The following ACSBG2 variants were observed in gnomAD, a reference collection of about 807,000 sequenced individuals.
The protein encoded by ACSBG2 is long-chain-fatty-acid--CoA ligase ACSBG2.
ACSBG2 carries 62 observed loss-of-function variants against 74.7 expected under a neutral mutation model. The observed-to-expected ratio is 0.83, with a 90% CI of 0.68 to 1.03. The LOEUF (loss-of-function observed/expected upper bound fraction) is 1.03. Among genes scored for constraint, ACSBG2 ranks in the 50% least tolerant of loss-of-function variants. The probability of loss-of-function intolerance (pLI) is 0.00; values close to 1 mark genes in which losing one functional copy is unlikely to be tolerated. For synonymous variants in ACSBG2, 309 were observed against 294.1 expected (o/e 1.05, Z -0.52); for missense variants, 730 against 817.6 (o/e 0.89, Z 1.31).
At chr19:6,158,018 A>T (rs1600061038) in intron 5 of ACSBG2, among the ~76,000 whole-genome samples, 1 of 143,300 alleles carries the variant, frequency 7.0e-6, no homozygotes. Context: ...TTACATTTTT[A>T]GTTTTATGTT....
chr19:6,160,157 G>A (rs1265655746), intron 5 of ACSBG2, among the ~76,000 whole-genome samples: 3 of 152,080 alleles, frequency 2.0e-5, no homozygotes, highest in African/African-American at 7.2e-5. Flanking sequence ...TTGGGAGGCT[G>A]AGGTGGGCGG....
chr19:6,148,649 A>G (rs1485609199), intron 3 of ACSBG2, among the ~76,000 whole-genome samples: 1 of 18,206 alleles, frequency 5.5e-5, no homozygotes, highest in African/African-American at 1.7e-4. Flanking sequence ...GTCATAAAGA[A>G]AAAAAAAAAA....
At chr19:6,161,178 T>A (rs1199858237) in intron 5 of ACSBG2, 37 bp from the exon 6 acceptor site, 2 of 1,570,392 alleles carry the variant, frequency 1.3e-6, no homozygotes, top group Admixed American at 3.3e-5. Context: ...TTCCCAGGGC[T>A]GGGTTGCCAT....
rs187162841 is a variant in ACSBG2 at position 6,167,865 on chromosome 19, T to G, written c.738+1850T>G. Among the ~76,000 whole-genome samples the G allele has an allele frequency of 1.8e-3, 275 of 152,350 alleles. 2 individuals are homozygous for G. Among genetic ancestry groups the G allele is most frequent in the Non-Finnish European group, 1.5e-3 (104 of 68,032 alleles). On this transcript the variant is annotated intron_variant, in intron 7 of 14. Transcript: ENST00000588485. The stretch of plus-strand genomic sequence containing the variant: ...GAAGCCCTTGGACTCAATTGTATGA[T>G]GCATGATAGAGAAAAATTATTTTTG...
chr19:6,187,507 T>C (rs75058453), intron 12 of ACSBG2, 85 bp downstream of exon 12: 72,725 of 1,602,358 alleles, frequency 0.045, 2,830 homozygotes, highest in African/African-American at 0.2. Flanking sequence ...AGAGGATGCA[T>C]CTGTGGGTTC....
At chr19:6,138,469 G>GAGAGAGA (rs1281425740) in intron 1 of ACSBG2, among the ~76,000 whole-genome samples, 1 of 135,204 alleles carries the variant, frequency 7.4e-6, no homozygotes, top group Admixed American at 7.9e-5. Flanking sequence ...GAAGAGAGAG[G>GAGAGAGA]GAGAGAGAGA....
At chr19:6,186,988 T>C (rs111276078) in intron 11 of ACSBG2, among the ~76,000 whole-genome samples, 12,310 of 149,764 alleles carry the variant, frequency 0.082, 892 homozygotes, top group African/African-American at 0.2. Flanking sequence ...TGAGCCACTG[T>C]GCCTGGCCAC....
chr19:6,182,238 G>T (rs758987340), intron 8 of ACSBG2, among the ~76,000 whole-genome samples: 8 of 151,078 alleles, frequency 5.3e-5, no homozygotes, highest in African/African-American at 1.5e-4. Flanking sequence ...CCTAGATTTC[G>T]ATAGGGGTTG....
At position 6,165,740 on chromosome 19, in the gene ACSBG2, G is replaced by A. The variant is rs1177001817; in HGVS notation, c.589-126G>A. On this transcript the variant is annotated intron_variant, in intron 6 of 14. Coordinates refer to ENST00000588485, the MANE Select transcript of ACSBG2 (RefSeq NM_030924.5). The stretch of plus-strand genomic sequence containing the variant: ...GACTTTTGTAAGAGGTGCCAGGACT[G>A]GCACATCCTAAGCCCTTCCACCTGC... 2.6e-6 allele frequency: 3 copies of A among 1,156,598 alleles called. No individual in the cohort carries two copies. In the South Asian group the frequency reaches 4.6e-5, roughly 18 times the overall value. The allele number at this position is 1,156,598 out of a possible 1,614,324, so 71.6% of individuals were successfully genotyped here. A position where few individuals can be genotyped will look rare whatever the true frequency, so the allele number is the denominator to read the frequency against.
intron 6 of ACSBG2, among the ~76,000 whole-genome samples, chr19:6,162,287 C>T (rs960134350): frequency 1.4e-5 from 2 of 140,042 alleles, no homozygotes; most frequent in Admixed American, 1.5e-4. Flanking sequence ...AAAAAAAGGC[C>T]GGGCGCCAGT....
rs1055462848 is a variant in ACSBG2, at chr19:6,171,231, G to T, written c.738+5216G>T. On this transcript the variant is annotated intron_variant, in intron 7 of 14. Coordinates refer to ENST00000588485, the MANE Select transcript of ACSBG2 (RefSeq NM_030924.5). ...TGTATTTAGGATGTTTATGTTCAAG[G>T]TTAATATTGATATGTGAGGTTTTGT... Among the ~76,000 whole-genome samples the T allele has an allele frequency of 2.0e-5, 3 of 151,960 alleles. No homozygotes were observed. The South Asian group carries it at 6.2e-4, about 32-fold the overall frequency.
chr19:6,176,959 C>T (rs1328481370), intron 7 of ACSBG2, among the ~76,000 whole-genome samples: 4 of 151,664 alleles, frequency 2.6e-5, no homozygotes, highest in African/African-American at 9.7e-5. Flanking sequence ...AGTTTGAGGC[C>T]AAGCTGGAAA....
chr19:6,175,470 G>A (rs1171032533), intron 7 of ACSBG2: 1 of 152,214 alleles, frequency 6.6e-6, no homozygotes, highest in Non-Finnish European at 1.5e-5. Flanking sequence ...TTTCACCTTA[G>A]ATGGTGTGAG....
intron 7 of ACSBG2, among the ~76,000 whole-genome samples, chr19:6,170,403 A>G (rs960117408): frequency 3.3e-5 from 5 of 152,094 alleles, no homozygotes; most frequent in African/African-American, 1.2e-4. Context: ...TGTATGTTGA[A>G]CCATCCTTGC....
chr19:6,171,607 A>C (rs949767185), intron 7 of ACSBG2, among the ~76,000 whole-genome samples: 14 of 151,932 alleles, frequency 9.2e-5, no homozygotes, highest in African/African-American at 3.4e-4. Context: ...AATTTCCTTT[A>C]TATGTAATTT....
At chr19:6,183,774 A>T (rs1344400162) in intron 10 of ACSBG2, among the ~76,000 whole-genome samples, 1 of 152,154 alleles carries the variant, frequency 6.6e-6, no homozygotes, top group Non-Finnish European at 1.5e-5. Flanking sequence ...GTGAGGTTTG[A>T]AAAAATCTTT....
intron 7 of ACSBG2, among the ~76,000 whole-genome samples, 189 bp from the exon 8 acceptor site, chr19:6,177,040 A>T (rs115398918): frequency 0.02 from 3,109 of 152,120 alleles, 110 homozygotes; most frequent in African/African-American, 0.07. Context: ...GTGTGCCTAT[A>T]GTACCAGTTA....
At chr19:6,141,094 T>C (rs1195515199) in intron 1 of ACSBG2, among the ~76,000 whole-genome samples, 1 of 152,186 alleles carries the variant, frequency 6.6e-6, no homozygotes, top group Admixed American at 6.5e-5. Context: ...TTCTTGGCCA[T>C]GTGGAAAATT....
At chr19:6,148,923 A>G (rs2089138877) in intron 3 of ACSBG2, among the ~76,000 whole-genome samples, 1 of 152,036 alleles carries the variant, frequency 6.6e-6, no homozygotes, top group Non-Finnish European at 1.5e-5. Context: ...CCTGGCCCAC[A>G]TGGTGAAACC....
Sources: gnomAD v4.1 joint callset for allele counts (sites outside exome capture counted in the v4.1 genomes callset) on GRCh38, gnomAD v4.1.1 for gene constraint, MANE v1.5 for transcripts, NCBI Gene and HGNC (gene_info 2026-07-23, HGNC 2026-07-21) for gene names.